Variants in LSAMP observed in about 807,000 individuals in gnomAD.
LSAMP encodes the protein limbic system associated membrane protein.
A neutral mutation model predicts 38.6 loss-of-function variants in LSAMP; 7 were observed. The ratio of observed to expected loss-of-function variants is 0.18; its 90% CI spans 0.10 to 0.34. The LOEUF (loss-of-function observed/expected upper bound fraction) is 0.34, where lower values mean the gene tolerates loss of function less well. LSAMP is among the 10% of genes least tolerant of loss of function. The pLI is 1.00. For missense variants in LSAMP, 313 were observed against 420.0 expected (o/e 0.75, Z 2.23); for synonymous variants, 154 against 166.8 (o/e 0.92, Z 0.59).
chr3:116,119,827 A>C (rs1185346632), intron 1 of LSAMP, among the ~76,000 whole-genome samples: 1 of 151,704 alleles, frequency 6.6e-6, no homozygotes, highest in Non-Finnish European at 1.5e-5. Context: ...CACCCAGCTA[A>C]TTTTTGTATT....
chr3:116,027,206 G>A (rs1341068557), intron 2 of LSAMP, among the ~76,000 whole-genome samples: 1 of 152,108 alleles, frequency 6.6e-6, no homozygotes, highest in African/African-American at 2.4e-5. Context: ...GCCTAAATCA[G>A]CTGACTTCCC....
chr3:116,285,712 G>T (rs2107686672), intron 1 of LSAMP, among the ~76,000 whole-genome samples: 1 of 152,260 alleles, frequency 6.6e-6, no homozygotes, highest in Middle Eastern at 3.4e-3. Context: ...CTAGTGTCTA[G>T]AATCAGGCTA....
intron 1 of LSAMP, among the ~76,000 whole-genome samples, chr3:116,127,695 A>ATTTTT (rs67470158): frequency 8.3e-5 from 8 of 96,650 alleles, no homozygotes; most frequent in East Asian, 3.1e-4. Flanking sequence ...GTGTTTGTTC[A>ATTTTT]TTTTTTTTTT....
intron 2 of LSAMP, among the ~76,000 whole-genome samples, chr3:116,026,400 C>T (rs1316825648): frequency 3.9e-5 from 6 of 152,056 alleles, no homozygotes; most frequent in East Asian, 3.9e-4. Flanking sequence ...GTAAGACTAA[C>T]GTTTCTTATA....
At chr3:116,063,259 C>T (rs893980713) in intron 2 of LSAMP, among the ~76,000 whole-genome samples, 7 of 152,150 alleles carry the variant, frequency 4.6e-5, no homozygotes, top group Non-Finnish European at 1.0e-4. Context: ...GAAATTGCTA[C>T]AGTTTTTAGA....
intron 1 of LSAMP, among the ~76,000 whole-genome samples, chr3:116,367,076 A>G (rs1036027869): frequency 6.6e-6 from 1 of 152,212 alleles, no homozygotes; most frequent in African/African-American, 2.4e-5. Context: ...GACCAAACAG[A>G]TTAACAAACC....
chr3:116,428,897 G>A (rs2049240920), intron 1 of LSAMP, among the ~76,000 whole-genome samples: 1 of 152,162 alleles, frequency 6.6e-6, no homozygotes, highest in African/African-American at 2.4e-5. Context: ...TTTACAGACA[G>A]ATAACTAACT....
chr3:116,027,545 A>G (rs952212162), intron 2 of LSAMP, among the ~76,000 whole-genome samples: 2 of 152,174 alleles, frequency 1.3e-5, no homozygotes, highest in Non-Finnish European at 2.9e-5. Context: ...CAAAGTAAGG[A>G]TTAGCCATAA....
At chr3:116,317,463 C>T (rs943430179) in intron 1 of LSAMP, among the ~76,000 whole-genome samples, 4 of 151,654 alleles carry the variant, frequency 2.6e-5, no homozygotes, top group Non-Finnish European at 4.4e-5. Flanking sequence ...TCACGCCATT[C>T]TCCTGCCTCA....
rs59630662 is a variant in LSAMP, at chr3:116,214,499, CTTTTT to C, written c.156-127948_156-127944del. 4.6e-3 allele frequency among the ~76,000 whole-genome samples: 475 copies of C among 103,272 alleles called. 4 individuals carry two copies. The highest frequency in any genetic ancestry group is 0.017 in the African/African-American group (447 of 25,654). 67.8% of individuals were successfully genotyped at this position (103,272 alleles called of 152,430 possible). On this transcript the variant is annotated intron_variant, in intron 1 of 6. Transcript: ENST00000490035. ...CCTCAAATAAAGAGTAAAAATGGGT[CTTTTT>C]TTTTTTTTTTTTTTTTTGAGACAGA... is the stretch of plus-strand genomic sequence containing the variant.
chr3:116,150,651 G>A (rs114002238), intron 1 of LSAMP, among the ~76,000 whole-genome samples: 2 of 152,036 alleles, frequency 1.3e-5, no homozygotes, highest in African/African-American at 2.4e-5. Flanking sequence ...TAAGTGATGC[G>A]CAGTGATAGG....
intron 1 of LSAMP, among the ~76,000 whole-genome samples, chr3:116,355,312 A>G (rs2107770785): frequency 6.6e-6 from 1 of 152,314 alleles, no homozygotes; most frequent in East Asian, 1.9e-4. Flanking sequence ...TTATTTGACA[A>G]AAGTGCAAAG....
intron 4 of LSAMP, among the ~76,000 whole-genome samples, chr3:115,847,430 G>C (rs1935194519): frequency 6.6e-6 from 1 of 152,206 alleles, no homozygotes. Flanking sequence ...AATAATGCCA[G>C]TGATAAAGTA....
intron 2 of LSAMP, among the ~76,000 whole-genome samples, chr3:116,022,263 A>G (rs936706638): frequency 5.3e-5 from 8 of 151,932 alleles, no homozygotes; most frequent in African/African-American, 1.9e-4. Context: ...TTTTCCTGTG[A>G]CATAGCTTTC....
intron 4 of LSAMP, among the ~76,000 whole-genome samples, chr3:115,851,988 T>C (rs933119014): frequency 2.0e-5 from 3 of 152,226 alleles, no homozygotes; most frequent in African/African-American, 2.4e-5. Context: ...CAGACATTCC[T>C]GTTAGCCATC....
intron 1 of LSAMP, among the ~76,000 whole-genome samples, chr3:116,119,743 T>C (rs766291066): frequency 6.6e-6 from 1 of 151,532 alleles, no homozygotes; most frequent in Non-Finnish European, 1.5e-5. Flanking sequence ...ACTGCAACCT[T>C]TGCCACCCCG....
intron 1 of LSAMP, among the ~76,000 whole-genome samples, chr3:116,252,686 G>A (rs2046699831): frequency 6.6e-6 from 1 of 152,202 alleles, no homozygotes; most frequent in African/African-American, 2.4e-5. Flanking sequence ...TCAGCATTAT[G>A]AACGTGAATA....
chr3:116,274,824 C>T (rs548891898), intron 1 of LSAMP, among the ~76,000 whole-genome samples: 6 of 151,762 alleles, frequency 4.0e-5, no homozygotes, highest in Middle Eastern at 3.4e-3. Context: ...TTTATAGGCA[C>T]GCTGTAGTCT....
At chr3:115,940,252 G>A (rs1937867238) in intron 3 of LSAMP, among the ~76,000 whole-genome samples, 1 of 152,120 alleles carries the variant, frequency 6.6e-6, no homozygotes, top group African/African-American at 2.4e-5. Flanking sequence ...GGGGACCCTA[G>A]TGGGTTGCCA....
Sources: allele counts gnomAD v4.1 joint callset (sites outside exome capture counted in the v4.1 genomes callset), GRCh38; gene constraint gnomAD v4.1.1; transcripts MANE v1.5; gene names NCBI Gene and HGNC (gene_info 2026-07-23, HGNC 2026-07-21).